HTR3B: variants seen among roughly 807,000 people sequenced by gnomAD.
The protein encoded by HTR3B is 5-hydroxytryptamine receptor 3B.
In HTR3B, 44 loss-of-function variants were observed where a neutral mutation model predicts 42.8. That is an observed-to-expected ratio of 1.03 (90% CI 0.81 to 1.32). The LOEUF (loss-of-function observed/expected upper bound fraction) is 1.32. HTR3B is among the 40% of genes most tolerant of loss of function. The pLI is 0.00. For missense variants in HTR3B, 527 were observed against 536.5 expected, an observed-to-expected ratio of 0.98 and a Z score of 0.17; for synonymous variants, 203 against 209.0, an observed-to-expected ratio of 0.97 and a Z score of 0.25.
At chr11:113,937,259 G>A (rs191450147) in intron 6 of HTR3B, among the ~76,000 whole-genome samples, 1 of 152,292 alleles carries the variant, frequency 6.6e-6, no homozygotes, top group Admixed American at 6.5e-5. Context: ...GTCGCCCTCA[G>A]AAAGACTGAC....
In HTR3B at chr11:113,946,590, C is replaced by T. The variant is rs1950182849; in HGVS notation, c.*453C>T. The T allele has an allele frequency of 6.5e-6, 1 of 154,218 alleles. No individual in the cohort carries two copies. The highest frequency in any genetic ancestry group is 1.4e-5 in the Non-Finnish European group (1 of 69,296). The allele number at this position is 154,218 out of a possible 1,614,324, so 9.6% of individuals were successfully genotyped here. A position where few individuals can be genotyped will look rare whatever the true frequency, so the allele number is the denominator to read the frequency against. On this transcript the variant is annotated 3_prime_UTR_variant, in exon 9 of 9. Coordinates refer to ENST00000260191, the MANE Select transcript of HTR3B (RefSeq NM_006028.5). ...CCTCTCCATTGAGTCCAGCTTCATA[C>T]ACCTAATAGTCTGCTGTGTGACCCA... is the stretch of plus-strand genomic sequence containing the variant.
At chr11:113,910,888 G>A (rs1254575612) in intron 2 of HTR3B, among the ~76,000 whole-genome samples, 2 of 147,454 alleles carry the variant, frequency 1.4e-5, no homozygotes, top group Non-Finnish European at 3.0e-5. Flanking sequence ...GAAGTGCAGT[G>A]GCACAATCTC....
In HTR3B at chr11:113,947,780, G is replaced by T. The variant is rs1185287724; in HGVS notation, c.*1643G>T. Among the ~76,000 whole-genome samples, 2 of 152,126 alleles carry T rather than the reference G, an allele frequency of 1.3e-5. No homozygotes were observed. Among genetic ancestry groups the T allele is most frequent in the African/African-American group, 4.8e-5 (2 of 41,410 alleles). ...TCAACATATGAATTTTGGGGAGTGGGCAGCAGACAAAGGGGACATATTTCA... is the reference window on the plus strand; with the variant it reads ...TCAACATATGAATTTTGGGGAGTGGTCAGCAGACAAAGGGGACATATTTCA... On this transcript the variant is annotated 3_prime_UTR_variant, in exon 9 of 9. Coordinates refer to ENST00000260191, the MANE Select transcript of HTR3B (RefSeq NM_006028.5).
chr11:113,944,797 C>T (rs2137541345), intron 8 of HTR3B, 42 bp downstream of exon 8: 2 of 1,585,288 alleles, frequency 1.3e-6, no homozygotes, highest in Admixed American at 1.7e-5. Context: ...CTGGATTGAT[C>T]ACCTTAAAAA....
chr11:113,918,625 CT>C (rs36002462), intron 2 of HTR3B, among the ~76,000 whole-genome samples: 443 of 127,650 alleles, frequency 3.5e-3, no homozygotes, highest in Middle Eastern at 8.3e-3. Context: ...CAGGTTAGGG[CT>C]TTTTTTTTTT....
At chr11:113,945,209 A>G (rs184480425) in intron 8 of HTR3B, among the ~76,000 whole-genome samples, 5 of 152,294 alleles carry the variant, frequency 3.3e-5, no homozygotes, top group Admixed American at 3.3e-4. Flanking sequence ...ATCTCTGCTC[A>G]CTGCAGCCTC....
chr11:113,939,078 A>C (rs953849975), intron 6 of HTR3B, among the ~76,000 whole-genome samples: 13 of 152,226 alleles, frequency 8.5e-5, no homozygotes, highest in Non-Finnish European at 1.3e-4. Context: ...GAAGAAAACC[A>C]AAACCCAAAA....
At position 113,932,366 on chromosome 11, in the gene HTR3B, T is replaced by C. The variant is rs1367366376; in HGVS notation, c.446T>C (p.Ile149Thr). ...SSGTIENYKP[I>T]QVVSACSLET... Reference sequence around the variant, plus strand: ...GGGACCATTGAGAACTATAAGCCCATCCAGGTGGTCTCTGCGTGCAGTTTA... The same window carrying C: ...GGGACCATTGAGAACTATAAGCCCACCCAGGTGGTCTCTGCGTGCAGTTTA... The change falls in exon 5 of 9, where the codon ATC becomes ACC. Residue 149 changes from isoleucine to threonine, a missense_variant. Transcript: ENST00000260191. The C allele has an allele frequency of 6.2e-7, 1 of 1,613,666 alleles. No homozygotes were observed. Among genetic ancestry groups the C allele is most frequent in the Admixed American group, 1.7e-5 (1 of 60,000 alleles).
At chr11:113,933,679 C>T (rs1177571726) in intron 6 of HTR3B, among the ~76,000 whole-genome samples, 2 of 152,090 alleles carry the variant, frequency 1.3e-5, no homozygotes, top group Non-Finnish European at 1.5e-5. Context: ...CAGCCCTTGG[C>T]TGCATTGTTC....
upstream of HTR3B, among the ~76,000 whole-genome samples, chr11:113,900,863 GGA>G (rs139604425): frequency 6.6e-6 from 1 of 151,574 alleles, no homozygotes; most frequent in Non-Finnish European, 1.5e-5. Flanking sequence ...CATCCATGGT[GGA>G]GAGAGAGAGA....
chr11:113,932,226 G>A (rs1950042493), intron 4 of HTR3B, 63 bp from the exon 5 acceptor site: 2 of 1,357,508 alleles, frequency 1.5e-6, no homozygotes, highest in Non-Finnish European at 2.1e-6. Flanking sequence ...CTCCTAATCA[G>A]CCTATGTTTT....
chr11:113,932,409 A>G lies in HTR3B; in HGVS notation c.489A>G (p.Pro163=), dbSNP rs1950045353. 6.2e-7 allele frequency: 1 copy of G among 1,614,050 alleles called. No individual in the cohort carries two copies. ...GCAGTTTAGAGACATATGCTTTTCC[A>G]TTTGATGTCCAGAATTGCAGCCTGA... is the stretch of plus-strand genomic sequence containing the variant. ...SACSLETYAF[P]FDVQNCSLTF... The change falls in exon 5 of 9, where the codon CCA becomes CCG. Residue 163 remains proline (P), a synonymous_variant. Transcript: ENST00000260191.
At chr11:113,921,953 C>T (rs1389093810) in intron 2 of HTR3B, among the ~76,000 whole-genome samples, 1 of 152,110 alleles carries the variant, frequency 6.6e-6, no homozygotes, top group Non-Finnish European at 1.5e-5. Flanking sequence ...TATTCTGTCC[C>T]TCTAGTTTTA....
At chr11:113,919,869 A>C (rs1012017936) in intron 2 of HTR3B, among the ~76,000 whole-genome samples, 31 of 148,358 alleles carry the variant, frequency 2.1e-4, no homozygotes, top group Non-Finnish European at 3.6e-4. Context: ...ACAACAACAA[A>C]AAGAGTACAA....
At chr11:113,945,605 C>T (rs114623944) in intron 8 of HTR3B, among the ~76,000 whole-genome samples, 9 of 152,334 alleles carry the variant, frequency 5.9e-5, no homozygotes, top group African/African-American at 1.7e-4. Context: ...ATCCCAGCCC[C>T]TAAAGCTCCT....
chr11:113,915,846 GT>G (rs35423096), intron 2 of HTR3B, among the ~76,000 whole-genome samples: 11 of 149,728 alleles, frequency 7.3e-5, no homozygotes, highest in Admixed American at 2.0e-4. Context: ...ATCTTTAAAT[GT>G]TTTTTTTTTA....
chr11:113,913,584 G>A (rs563063969), intron 2 of HTR3B, among the ~76,000 whole-genome samples: 31 of 151,692 alleles, frequency 2.0e-4, no homozygotes, highest in African/African-American at 6.8e-4. Context: ...GCGCAATCTC[G>A]GCTCACTGTA....
At chr11:113,903,987 G>A (rs767215300), upstream of HTR3B, among the ~76,000 whole-genome samples, 2 of 151,992 alleles carry the variant, frequency 1.3e-5, no homozygotes, top group Non-Finnish European at 2.9e-5. Context: ...TCCCCCCTTC[G>A]GTTGGCTCTG....
chr11:113,906,680 G>A (rs150398632), intron 1 of HTR3B, among the ~76,000 whole-genome samples: 216 of 152,240 alleles, frequency 1.4e-3, no homozygotes, highest in African/African-American at 5.1e-3. Flanking sequence ...TTAAGAGCTT[G>A]GACTTCGAAT....
Sources: gnomAD v4.1 joint callset for allele counts (sites outside exome capture counted in the v4.1 genomes callset) on GRCh38, gnomAD v4.1.1 for gene constraint, MANE v1.5 for transcripts, NCBI Gene and HGNC (gene_info 2026-07-23, HGNC 2026-07-21) for gene names.